The following PLSCR4 variants were observed in gnomAD, a reference collection of about 807,000 sequenced individuals.
PLSCR4 encodes the protein phospholipid scramblase 4, also known as Ca(2+)-dependent phospholipid scramblase 4.
In PLSCR4, 25 loss-of-function variants were observed where a neutral mutation model predicts 36.3. The ratio of observed to expected loss-of-function variants is 0.69; its 90% CI spans 0.50 to 0.96. The LOEUF (loss-of-function observed/expected upper bound fraction) is 0.96, where lower values mean the gene tolerates loss of function less well. Ranked by LOEUF, PLSCR4 falls within the 40% of genes least tolerant of loss-of-function variation. The probability of loss-of-function intolerance (pLI) is 0.00; values close to 1 mark genes in which losing one functional copy is unlikely to be tolerated. For synonymous variants in PLSCR4, 122 were observed against 132.9 expected (o/e 0.92, Z 0.56); for missense variants, 408 against 414.7 (o/e 0.98, Z 0.14).
intron 1 of PLSCR4, among the ~76,000 whole-genome samples, chr3:146,231,844 A>G (rs2035728860): frequency 6.6e-6 from 1 of 152,046 alleles, no homozygotes; most frequent in African/African-American, 2.4e-5. Context: ...TACTCTGTAA[A>G]AGCTCTTTAG....
At chr3:146,231,250 T>G (rs373019794) in intron 1 of PLSCR4, among the ~76,000 whole-genome samples, 1 of 152,238 alleles carries the variant, frequency 6.6e-6, no homozygotes, top group South Asian at 2.1e-4. Context: ...TACCATATAT[T>G]CTTTATCCAG....
rs2033578824 is a variant in PLSCR4 at position 146,194,212 on chromosome 3, A to G, written c.*199T>C. 1 of 564,968 alleles carries G rather than the reference A, an allele frequency of 1.8e-6. No individual in the cohort carries two copies. Among genetic ancestry groups the G allele is most frequent in the Non-Finnish European group, 3.1e-6 (1 of 318,178 alleles). 35.0% of individuals were successfully genotyped at this position (564,968 alleles called of 1,614,324 possible). On this transcript the variant is annotated 3_prime_UTR_variant, in exon 9 of 9. Coordinates refer to ENST00000354952, the MANE Select transcript of PLSCR4 (RefSeq NM_020353.3). ...GCTTTTCAGGATGAACTCCTATTCT[A>G]CTAGAGAGATACTCAATTGAAACAC...
chr3:146,240,287 T>C (rs2036096667), intron 1 of PLSCR4, among the ~76,000 whole-genome samples: 1 of 151,886 alleles, frequency 6.6e-6, no homozygotes, highest in Admixed American at 6.5e-5. Flanking sequence ...ATATCACTGA[T>C]CATTAAAAAA....
intron 1 of PLSCR4, among the ~76,000 whole-genome samples, chr3:146,250,230 A>G (rs919005780): frequency 2.6e-5 from 4 of 152,156 alleles, no homozygotes; most frequent in African/African-American, 7.2e-5. Context: ...TTCTATTACT[A>G]TTACAGGAGA....
At chr3:146,236,956 A>C (rs887685444) in intron 1 of PLSCR4, among the ~76,000 whole-genome samples, 1 of 152,208 alleles carries the variant, frequency 6.6e-6, no homozygotes, top group Admixed American at 6.5e-5. Flanking sequence ...CATCTGATAT[A>C]GTTCCTACCT....
chr3:146,243,484 C>T (rs1246049079), intron 1 of PLSCR4, among the ~76,000 whole-genome samples: 1 of 152,294 alleles, frequency 6.6e-6, no homozygotes, highest in Non-Finnish European at 1.5e-5. Flanking sequence ...AGTTCGGGCA[C>T]ATAAAATGCT....
chr3:146,215,604 T>G (rs938570732), intron 3 of PLSCR4, among the ~76,000 whole-genome samples: 1 of 152,208 alleles, frequency 6.6e-6, no homozygotes, highest in Non-Finnish European at 1.5e-5. Context: ...AAATTACTGC[T>G]TTTCCTTGTA....
chr3:146,214,628 A>G (rs952503916), intron 3 of PLSCR4, among the ~76,000 whole-genome samples: 2 of 151,942 alleles, frequency 1.3e-5, no homozygotes, highest in Non-Finnish European at 2.9e-5. Flanking sequence ...ACTCTACATG[A>G]TTTTAATTGT....
At chr3:146,237,489 G>C (rs1309425473) in intron 1 of PLSCR4, among the ~76,000 whole-genome samples, 1 of 151,958 alleles carries the variant, frequency 6.6e-6, no homozygotes, top group African/African-American at 2.4e-5. Flanking sequence ...TATAACATGA[G>C]CCTCAATAAA....
intron 4 of PLSCR4, among the ~76,000 whole-genome samples, chr3:146,202,518 G>T (rs1270948204): frequency 6.6e-6 from 1 of 152,064 alleles, no homozygotes; most frequent in Admixed American, 6.6e-5. Context: ...CCTCTTGCTG[G>T]TAGAGGGTCT....
intron 1 of PLSCR4, among the ~76,000 whole-genome samples, chr3:146,240,681 G>A (rs74322091): frequency 0.017 from 2,569 of 147,640 alleles, 77 homozygotes; most frequent in African/African-American, 0.059. Context: ...ATAACAACAC[G>A]TTTTAGGAGA....
chr3:146,242,209 C>T (rs977452499), intron 1 of PLSCR4, among the ~76,000 whole-genome samples: 10 of 152,174 alleles, frequency 6.6e-5, no homozygotes, highest in Admixed American at 1.3e-4. Context: ...CTCGGTGGAG[C>T]TCTCTGAAAC....
At chr3:146,212,854 T>TC (rs1396405170) in intron 3 of PLSCR4, among the ~76,000 whole-genome samples, 1 of 152,192 alleles carries the variant, frequency 6.6e-6, no homozygotes, top group Non-Finnish European at 1.5e-5. Flanking sequence ...TGTGAGTTTT[T>TC]CATAGGTACT....
intron 3 of PLSCR4, among the ~76,000 whole-genome samples, chr3:146,208,451 GC>G (rs1414503936): frequency 6.6e-6 from 1 of 152,104 alleles, no homozygotes; most frequent in Non-Finnish European, 1.5e-5. Context: ...AAACTAAAGA[GC>G]TTTTGCACAG....
intron 2 of PLSCR4, among the ~76,000 whole-genome samples, chr3:146,221,630 A>C (rs114656347): frequency 0.014 from 2,136 of 152,280 alleles, 46 homozygotes; most frequent in African/African-American, 0.048. Context: ...ATCTCCTAGC[A>C]AACAAAAATC....
chr3:146,193,400 G>A lies in PLSCR4; in HGVS notation c.*1011C>T, dbSNP rs547739207. ...TTCCAAATTTAAAAACATAACTCCA[G>A]TTCTTACCATGAGAACAGCATGGTG... On this transcript the variant is annotated 3_prime_UTR_variant, in exon 9 of 9. Transcript: ENST00000354952. 18 of 152,098 alleles carry A rather than the reference G, an allele frequency of 1.2e-4. No individual in the cohort carries two copies. Among genetic ancestry groups the A allele is most frequent in the Admixed American group, 1.0e-3 (16 of 15,270 alleles). 9.4% of individuals were successfully genotyped at this position (152,098 alleles called of 1,614,324 possible).
chr3:146,210,514 T>G (rs1029363493), intron 3 of PLSCR4, among the ~76,000 whole-genome samples: 3 of 152,158 alleles, frequency 2.0e-5, no homozygotes, highest in African/African-American at 7.2e-5. Context: ...CAAGATAATC[T>G]GGAGTTCTTA....
chr3:146,213,526 T>C (rs1045854269), intron 3 of PLSCR4, among the ~76,000 whole-genome samples: 3 of 152,134 alleles, frequency 2.0e-5, no homozygotes, highest in African/African-American at 7.2e-5. Context: ...TTTCGCCATG[T>C]TGGTCAGGCT....
In PLSCR4 at chr3:146,214,231, C is replaced by T. The variant is rs1244588510; in HGVS notation, c.118+6584G>A. Among the ~76,000 whole-genome samples, 2 of 25,220 alleles carry T rather than the reference C, an allele frequency of 7.9e-5. 1 individual carries two copies. The highest frequency in any genetic ancestry group is 2.5e-4 in the African/African-American group (2 of 8,062). The allele number at this position is 25,220 out of a possible 152,430, so 16.5% of individuals were successfully genotyped here. On this transcript the variant is annotated intron_variant, in intron 3 of 8. Transcript: ENST00000354952. ...CCGCCTCCCGGGTTCACGCCATTCT[C>T]CTGCCTCAGCCTCCCAAGTAGCTGG... is the stretch of plus-strand genomic sequence containing the variant.
Sources: allele counts gnomAD v4.1 joint callset (sites outside exome capture counted in the v4.1 genomes callset), GRCh38; gene constraint gnomAD v4.1.1; transcripts MANE v1.5; gene names NCBI Gene and HGNC (gene_info 2026-07-23, HGNC 2026-07-21).